Variants in TBC1D5 observed in about 807,000 individuals in gnomAD.
The protein encoded by TBC1D5 is TBC1 domain family member 5.
A neutral mutation model predicts 100.3 loss-of-function variants in TBC1D5; 75 were observed. The observed-to-expected ratio is 0.75, with a 90% CI of 0.62 to 0.91. The LOEUF (loss-of-function observed/expected upper bound fraction) is 0.91, where lower values mean the gene tolerates loss of function less well. Among genes scored for constraint, TBC1D5 ranks in the 40% least tolerant of loss-of-function variants. The pLI, the probability that TBC1D5 is intolerant of heterozygous loss-of-function variation, is 0.00. For missense variants in TBC1D5, 910 were observed against 942.4 expected (o/e 0.97, Z 0.45); for synonymous variants, 323 against 325.6 (o/e 0.99, Z 0.09).
chr3:17,612,943 T>A (rs2061802506), intron 2 of TBC1D5, among the ~76,000 whole-genome samples: 1 of 151,776 alleles, frequency 6.6e-6, no homozygotes, highest in South Asian at 2.1e-4. Context: ...CATGCAAATT[T>A]GTTACATATG....
At chr3:17,236,489 ATTT>A (rs754298173) in intron 17 of TBC1D5, among the ~76,000 whole-genome samples, 1 of 144,488 alleles carries the variant, frequency 6.9e-6, no homozygotes, top group Admixed American at 6.9e-5. Context: ...TTTCAACGAG[ATTT>A]TTTTTTTTTT....
At chr3:17,580,263 C>T (rs907859733) in intron 2 of TBC1D5, among the ~76,000 whole-genome samples, 4 of 152,078 alleles carry the variant, frequency 2.6e-5, no homozygotes, top group African/African-American at 4.8e-5. Flanking sequence ...TAAATGCCTA[C>T]TGTATGCCTT....
intron 1 of TBC1D5, among the ~76,000 whole-genome samples, chr3:17,736,463 C>T (rs751876000): frequency 6.6e-6 from 1 of 152,094 alleles, no homozygotes; most frequent in Non-Finnish European, 1.5e-5. Flanking sequence ...CCTTTAGACT[C>T]TTGTTCCTCA....
At chr3:17,507,936 C>T (rs1218636712) in intron 3 of TBC1D5, among the ~76,000 whole-genome samples, 3 of 151,522 alleles carry the variant, frequency 2.0e-5, no homozygotes, top group Admixed American at 1.3e-4. Flanking sequence ...AACCTGAATA[C>T]GGTCTACATT....
chr3:17,441,260 C>G (rs2094648485), intron 3 of TBC1D5, among the ~76,000 whole-genome samples: 1 of 152,050 alleles, frequency 6.6e-6, no homozygotes, highest in African/African-American at 2.4e-5. Flanking sequence ...TTATAGTGAA[C>G]TATAGTATTA....
intron 1 of TBC1D5, among the ~76,000 whole-genome samples, chr3:17,735,384 C>CA (rs2076885047): frequency 6.6e-6 from 1 of 152,130 alleles, no homozygotes; most frequent in South Asian, 2.1e-4. Context: ...CTGCAAACAA[C>CA]AAAATAGCTG....
intron 4 of TBC1D5, among the ~76,000 whole-genome samples, chr3:17,409,446 G>A (rs991951609): frequency 6.6e-6 from 1 of 152,030 alleles, no homozygotes; most frequent in Non-Finnish European, 1.5e-5. Flanking sequence ...CGTACTGTTC[G>A]AGTGAAAAGA....
chr3:17,538,612 C>T (rs2096311199), intron 2 of TBC1D5, among the ~76,000 whole-genome samples: 1 of 152,222 alleles, frequency 6.6e-6, no homozygotes. Flanking sequence ...AAACCAACTA[C>T]TGCCCTTCAG....
At chr3:17,706,043 TA>T in intron 1 of TBC1D5, 1 of 1,572,004 alleles carries the variant, frequency 6.4e-7, no homozygotes, top group Non-Finnish European at 8.6e-7. Context: ...CCATGTTCTT[TA>T]AGGTGGGAGC....
intron 2 of TBC1D5, among the ~76,000 whole-genome samples, chr3:17,574,680 T>G (rs773650811): frequency 6.6e-6 from 1 of 152,120 alleles, no homozygotes; most frequent in East Asian, 1.9e-4. Context: ...GCCATCTATC[T>G]CCGCAAGTAT....
At chr3:17,658,019 A>G (rs2066256846) in intron 1 of TBC1D5, among the ~76,000 whole-genome samples, 1 of 152,204 alleles carries the variant, frequency 6.6e-6, no homozygotes, top group Admixed American at 6.5e-5. Context: ...ATAAACAGAT[A>G]CCATTGTGTT....
intron 17 of TBC1D5, among the ~76,000 whole-genome samples, chr3:17,218,280 C>T (rs2073888732): frequency 6.6e-6 from 1 of 151,880 alleles, no homozygotes; most frequent in Non-Finnish European, 1.5e-5. Context: ...CAGCTTTGTT[C>T]TCTTTCAAGA....
chr3:17,278,800 T>C (rs914428798), intron 15 of TBC1D5, among the ~76,000 whole-genome samples: 7 of 152,236 alleles, frequency 4.6e-5, no homozygotes, highest in African/African-American at 1.7e-4. Flanking sequence ...GTTAATTAGC[T>C]CTTCTAAAAA....
intron 1 of TBC1D5, among the ~76,000 whole-genome samples, chr3:17,737,827 A>AG (rs1381126396): frequency 6.6e-6 from 1 of 150,672 alleles, no homozygotes; most frequent in Non-Finnish European, 1.5e-5. Context: ...TTTTGTTTCA[A>AG]AAAAAAAAAA....
intron 17 of TBC1D5, among the ~76,000 whole-genome samples, chr3:17,235,438 T>C (rs1173814955): frequency 6.6e-6 from 1 of 152,222 alleles, no homozygotes; most frequent in South Asian, 2.1e-4. Flanking sequence ...AGTAGATGAC[T>C]CTGTTCTGAG....
At chr3:17,370,624 C>T (rs538922256) in intron 13 of TBC1D5, among the ~76,000 whole-genome samples, 7 of 152,168 alleles carry the variant, frequency 4.6e-5, no homozygotes, top group South Asian at 4.1e-4. Flanking sequence ...AAACATGCAG[C>T]GTTAAAACAG....
At chr3:17,231,760 T>C (rs574236549) in intron 17 of TBC1D5, among the ~76,000 whole-genome samples, 1 of 152,298 alleles carries the variant, frequency 6.6e-6, no homozygotes, top group East Asian at 1.9e-4. Flanking sequence ...CAGGTAGGTG[T>C]ACTCTCATTG....
intron 2 of TBC1D5, among the ~76,000 whole-genome samples, chr3:17,532,120 A>G (rs928117713): frequency 1.3e-4 from 20 of 152,202 alleles, no homozygotes; most frequent in Non-Finnish European, 2.6e-4. Context: ...ATCTACAATG[A>G]ACTCAAACAA....
intron 13 of TBC1D5, among the ~76,000 whole-genome samples, chr3:17,339,274 C>T (rs562268769): frequency 1.3e-5 from 2 of 152,270 alleles, no homozygotes; most frequent in Admixed American, 6.5e-5. Context: ...TATTCTGTCA[C>T]GATTTAGCCA....
Sources: gnomAD v4.1 joint callset for allele counts (sites outside exome capture counted in the v4.1 genomes callset) on GRCh38, gnomAD v4.1.1 for gene constraint, MANE v1.5 for transcripts, NCBI Gene and HGNC (gene_info 2026-07-23, HGNC 2026-07-21) for gene names.